LEPR: variants seen among roughly 807,000 people sequenced by gnomAD.
LEPR encodes the protein OB receptor.
In LEPR, 56 loss-of-function variants were observed where a neutral mutation model predicts 114.7. The observed-to-expected ratio is 0.49, with a 90% CI of 0.39 to 0.61. LEPR has a LOEUF of 0.61. LEPR is among the 20% of genes least tolerant of loss of function. The pLI, the probability that LEPR is intolerant of heterozygous loss-of-function variation, is 0.00. For missense variants in LEPR, 1,202 were observed against 1,352.9 expected (o/e 0.89, Z 1.75); for synonymous variants, 443 against 461.4 (o/e 0.96, Z 0.51).
intron 19 of LEPR, chr1:65,634,288 T>C (rs891784595): frequency 1.3e-5 from 13 of 982,944 alleles, no homozygotes; most frequent in Middle Eastern, 1.0e-3. Flanking sequence ...AGAAAAGAAC[T>C]CTACAAAAAC....
intron 2 of LEPR, among the ~76,000 whole-genome samples, chr1:65,438,887 T>G (rs1458115365): frequency 6.6e-6 from 1 of 152,164 alleles, no homozygotes; most frequent in African/African-American, 2.4e-5. Context: ...CAAAAGCTTT[T>G]AGAGAACTGC....
chr1:65,426,731 G>A (rs1158967666), intron 2 of LEPR, among the ~76,000 whole-genome samples: 1 of 152,184 alleles, frequency 6.6e-6, no homozygotes, highest in Non-Finnish European at 1.5e-5. Context: ...AGGCACCATG[G>A]CTCACGCCTG....
chr1:65,492,383 G>A (rs370300104), intron 2 of LEPR, among the ~76,000 whole-genome samples: 3 of 152,002 alleles, frequency 2.0e-5, no homozygotes, highest in Non-Finnish European at 2.9e-5. Flanking sequence ...CTTATTATGC[G>A]TGAAGTTATT....
chr1:65,566,904 A>G, intron 3 of LEPR, among the ~76,000 whole-genome samples: 1 of 152,246 alleles, frequency 6.6e-6, no homozygotes, highest in East Asian at 1.9e-4. Context: ...TTATGCCACA[A>G]GGGACTATCA....
chr1:65,589,030 T>C (rs6696658), intron 5 of LEPR, among the ~76,000 whole-genome samples: 74,592 of 151,864 alleles, frequency 0.49, 19,083 homozygotes, highest in East Asian at 0.88. Flanking sequence ...TACATTCCCA[T>C]CAGCAGTGTA....
chr1:65,429,888 T>C, intron 2 of LEPR: 1 of 1,512,908 alleles, frequency 6.6e-7, no homozygotes, highest in Non-Finnish European at 9.0e-7. Context: ...TTCGTCCTGA[T>C]TTTCCACGCC....
rs182238674 is a variant in LEPR, at chr1:65,442,368, C to T, written c.-21+16990C>T. Among the ~76,000 whole-genome samples, 65 of 152,300 alleles carry T rather than the reference C, an allele frequency of 4.3e-4. No homozygotes were observed. The East Asian group carries it at 0.011, about 27-fold the overall frequency. On this transcript the variant is annotated intron_variant, in intron 2 of 19. Coordinates refer to ENST00000349533, the MANE Select transcript of LEPR (RefSeq NM_002303.6). The stretch of plus-strand genomic sequence containing the variant: ...AATCCACCTATGACCTATGACCCCT[C>T]CCCTACTCCACCCCACTGATTTGAG...
intron 11 of LEPR, among the ~76,000 whole-genome samples, chr1:65,606,131 C>T (rs916851301): frequency 2.0e-4 from 31 of 151,942 alleles, no homozygotes; most frequent in Non-Finnish European, 3.4e-4. Context: ...GAATTAAAAC[C>T]TATAACCAAA....
intron 2 of LEPR, among the ~76,000 whole-genome samples, chr1:65,459,239 G>A (rs1001380673): frequency 4.6e-5 from 7 of 152,170 alleles, no homozygotes; most frequent in African/African-American, 1.7e-4. Context: ...ATCACCCATG[G>A]TGTTGCCAGT....
At chr1:65,466,813 G>T (rs932011008) in intron 2 of LEPR, among the ~76,000 whole-genome samples, 4 of 152,012 alleles carry the variant, frequency 2.6e-5, no homozygotes, top group African/African-American at 7.2e-5. Context: ...CCACTTGATT[G>T]AATTGGCTAT....
chr1:65,632,118 A>G (rs1658547295), intron 19 of LEPR, among the ~76,000 whole-genome samples: 1 of 152,162 alleles, frequency 6.6e-6, no homozygotes, highest in African/African-American at 2.4e-5. Flanking sequence ...TAGATTCCCC[A>G]GTCAGCCCTA....
At chr1:65,424,160 C>G (rs181942745) in intron 1 of LEPR, among the ~76,000 whole-genome samples, 1 of 151,544 alleles carries the variant, frequency 6.6e-6, no homozygotes, top group African/African-American at 2.5e-5. Flanking sequence ...AGCAGCACAA[C>G]AAGGGCAAAT....
At chr1:65,570,413 T>C (rs981736663) in intron 3 of LEPR, 60 bp from the exon 4 acceptor site, 24 of 1,514,358 alleles carry the variant, frequency 1.6e-5, no homozygotes, top group Non-Finnish European at 2.1e-5. Flanking sequence ...AGATACTTTC[T>C]ATTCATGTCT....
intron 10 of LEPR, among the ~76,000 whole-genome samples, chr1:65,603,566 G>A (rs1383329782): frequency 6.6e-6 from 1 of 152,196 alleles, no homozygotes; most frequent in Non-Finnish European, 1.5e-5. Context: ...TCAAAGAAGA[G>A]GAAAAAGACT....
rs559904799 is a variant in LEPR at position 65,639,290 on chromosome 1, T to A, written c.*2275T>A. ...TCAGTTCCCCAGATAAGTGAACAAA[T>A]GAACAAAAATGCACTTCAGAAATAT... On this transcript the variant is annotated 3_prime_UTR_variant, in exon 20 of 20. Coordinates refer to ENST00000349533, the MANE Select transcript of LEPR (RefSeq NM_002303.6). 1.3e-5 allele frequency: 2 copies of A among 152,272 alleles called. No individual in the cohort carries two copies. The highest frequency in any genetic ancestry group is 3.9e-4 in the East Asian group (2 of 5,186). 9.4% of individuals were successfully genotyped at this position (152,272 alleles called of 1,614,324 possible).
chr1:65,426,852 GC>G (rs1324630865), intron 2 of LEPR, among the ~76,000 whole-genome samples: 1 of 152,196 alleles, frequency 6.6e-6, no homozygotes, highest in African/African-American at 2.4e-5. Flanking sequence ...CAAAAAATTA[GC>G]TGGGCGTGGT....
chr1:65,477,944 T>C (rs1013706419), intron 2 of LEPR, among the ~76,000 whole-genome samples: 33 of 152,222 alleles, frequency 2.2e-4, no homozygotes, highest in Admixed American at 4.6e-4. Context: ...TTTTGGGTAG[T>C]GGACATTGGA....
intron 2 of LEPR, among the ~76,000 whole-genome samples, chr1:65,500,279 C>T (rs1431826915): frequency 6.6e-6 from 1 of 151,930 alleles, no homozygotes; most frequent in Admixed American, 6.6e-5. Context: ...TAATACAGAC[C>T]CCCCCAACAA....
chr1:65,588,669 T>G (rs770358329), intron 5 of LEPR, among the ~76,000 whole-genome samples: 8 of 152,066 alleles, frequency 5.3e-5, no homozygotes, highest in Non-Finnish European at 1.2e-4. Context: ...TAGCATTTTT[T>G]AGAACTTTAT....
Sources: gnomAD v4.1 joint callset for allele counts (sites outside exome capture counted in the v4.1 genomes callset) on GRCh38, gnomAD v4.1.1 for gene constraint, MANE v1.5 for transcripts, NCBI Gene and HGNC (gene_info 2026-07-23, HGNC 2026-07-21) for gene names.